Variants in PRKD2 observed in about 807,000 individuals in gnomAD.
The protein encoded by PRKD2 is serine/threonine-protein kinase D2.
Under a neutral mutation model 86.0 loss-of-function variants are expected in PRKD2, and 22 were observed. That is an observed-to-expected ratio of 0.26 (90% confidence interval 0.18 to 0.37). PRKD2 has a LOEUF of 0.37. PRKD2 is among the 10% of genes least tolerant of loss of function. PRKD2 has a pLI of 1.00. For synonymous variants in PRKD2, 509 were observed against 510.9 expected, an observed-to-expected ratio of 1.00 and a Z score of 0.05; for missense variants, 818 against 1,199.2, an observed-to-expected ratio of 0.68 and a Z score of 4.70.
At chr19:46,701,689 A>G (rs190559366) in intron 5 of PRKD2, among the ~76,000 whole-genome samples, 5 of 151,140 alleles carry the variant, frequency 3.3e-5, no homozygotes, top group Non-Finnish European at 7.4e-5. Flanking sequence ...TATTGGTTCT[A>G]ATGTGCTGTG....
intron 15 of PRKD2, among the ~76,000 whole-genome samples, chr19:46,680,946 A>ATATATATATATATATTTTTTTT: frequency 5.0e-4 from 24 of 48,212 alleles, no homozygotes; most frequent in Non-Finnish European, 6.9e-4. Flanking sequence ...ATATATATAT[A>ATATATATATATATATTTTTTTT]TTTTTTTTTT....
intron 7 of PRKD2, among the ~76,000 whole-genome samples, chr19:46,698,824 A>G (rs2053596538): frequency 6.6e-6 from 1 of 152,144 alleles, no homozygotes; most frequent in South Asian, 2.1e-4. Context: ...GCTAGATCAG[A>G]ACCTGGGTGG....
At chr19:46,675,168 C>T (rs369262651) in intron 16 of PRKD2, 50 bp from the exon 17 acceptor site, 2 of 1,509,180 alleles carry the variant, frequency 1.3e-6, no homozygotes, top group Admixed American at 1.9e-5. Flanking sequence ...AGGGTCACTC[C>T]TCCTCCAATA....
chr19:46,698,376 G>A (rs886849844), intron 7 of PRKD2, among the ~76,000 whole-genome samples: 1 of 152,146 alleles, frequency 6.6e-6, no homozygotes, highest in Admixed American at 6.6e-5. Context: ...ATTCTTGAGA[G>A]GGCTTCTGTA....
In PRKD2 at chr19:46,678,037, C is replaced by G. The variant is rs1356418993; in HGVS notation, c.2338+359G>C. On this transcript the variant is annotated intron_variant, in intron 16 of 17. Transcript: ENST00000291281. This position sits in a 1 kb window ranked among gnomAD's most constrained non-coding sequence, Gnocchi z 5.7. ...AGGTCCCAGCCAATGCCTTGGGAGG[C>G]TCAGCCCCTTCTCCTGGTCACCGCA... is the stretch of plus-strand genomic sequence containing the variant. 6.6e-6 allele frequency among the ~76,000 whole-genome samples: 1 copy of G among 152,176 alleles called. No individual in the cohort carries two copies. The highest frequency in any genetic ancestry group is 1.5e-5 in the Non-Finnish European group (1 of 68,036).
chr19:46,710,163 C>G (rs193031165), intron 3 of PRKD2, among the ~76,000 whole-genome samples: 43 of 152,256 alleles, frequency 2.8e-4, no homozygotes, highest in African/African-American at 1.0e-3. Context: ...TCCCAAAGTG[C>G]TGGGATTACA....
chr19:46,679,814 G>A (rs1162241141), intron 15 of PRKD2, among the ~76,000 whole-genome samples: 3 of 151,950 alleles, frequency 2.0e-5, no homozygotes, highest in Non-Finnish European at 2.9e-5. Context: ...TAGTAGAGAC[G>A]ACATTTCACC....
Position 46,691,723 on chromosome 19 carries a change from A to C in PRKD2, c.1702+12T>G. ...CGGGGCTCCCTCTGGGTTAGCTCTG[A>C]AGTGTCCTCACCTCCATAGACCACT... is the stretch of plus-strand genomic sequence containing the variant. On this transcript the variant is annotated intron_variant, in intron 12 of 17. Coordinates refer to ENST00000291281, the MANE Select transcript of PRKD2 (RefSeq NM_016457.5). 6.2e-7 allele frequency: 1 copy of C among 1,612,084 alleles called. No homozygotes were observed. The highest frequency in any genetic ancestry group is 8.5e-7 in the Non-Finnish European group (1 of 1,179,806).
intron 15 of PRKD2, among the ~76,000 whole-genome samples, chr19:46,679,551 T>C (rs2053264847): frequency 6.6e-6 from 1 of 152,206 alleles, no homozygotes; most frequent in Non-Finnish European, 1.5e-5. Flanking sequence ...TCTCAGGCTT[T>C]CCTGGGGATT....
At position 46,710,909 on chromosome 19, in the gene PRKD2, T is replaced by C; in HGVS notation, c.509A>G (p.Asp170Gly). ...FGLVRQGLKC[D>G]GCGLNYHKRC... ...GCCCCCAACCCTTTAGCTCTCACCATCGCACTTGAGGCCCTGGCGCACTAG... is the reference window on the plus strand; with the variant it reads ...GCCCCCAACCCTTTAGCTCTCACCACCGCACTTGAGGCCCTGGCGCACTAG... The change falls in exon 3 of 18, where the codon GAT becomes GGT. Residue 170 changes from aspartate to glycine, a missense_variant and splice_region_variant. Around this residue, in one of 5 missense-constraint regions of PRKD2, gnomAD observed 403 missense variants for 518.6 expected, o/e 0.78. Transcript: ENST00000291281. 1.1e-6 allele frequency: 1 copy of C among 950,866 alleles called. No individual in the cohort carries two copies. Among genetic ancestry groups the C allele is most frequent in the South Asian group, 1.3e-5 (1 of 74,808 alleles). The allele number at this position is 950,866 out of a possible 1,614,324, so 58.9% of individuals were successfully genotyped here.
chr19:46,710,772 A>G, intron 3 of PRKD2, 135 bp downstream of exon 3: 4 of 1,009,458 alleles, frequency 4.0e-6, no homozygotes, highest in Non-Finnish European at 5.6e-6. Flanking sequence ...TCTTCCCATT[A>G]TTACTTCCTA....
rs532302922 is a variant in PRKD2 at position 46,695,832 on chromosome 19, ATATTT to A, written c.1317+1320_1317+1324del. On this transcript the variant is annotated intron_variant, in intron 9 of 17. Transcript: ENST00000291281. ...GGGGGGGCATGGTGAGGACAGCATT[ATATTT>A]TATTTTATTTTATTTTTTTGAGATG... Among the ~76,000 whole-genome samples, 459 of 152,108 alleles carry A rather than the reference ATATTT, an allele frequency of 3.0e-3. 7 individuals are homozygous for A. Among genetic ancestry groups the A allele is most frequent in the African/African-American group, 0.01 (424 of 41,522 alleles).
intron 2 of PRKD2, 112 bp downstream of exon 2, chr19:46,713,751 G>T (rs2053841457): frequency 2.8e-6 from 3 of 1,069,042 alleles, no homozygotes; most frequent in Non-Finnish European, 2.6e-6. Context: ...GATCACAGGC[G>T]TGAGCCACTA....
At chr19:46,676,226 CGA>C (rs931641911) in intron 16 of PRKD2, among the ~76,000 whole-genome samples, 4 of 151,954 alleles carry the variant, frequency 2.6e-5, no homozygotes, top group Non-Finnish European at 5.9e-5. Context: ...GTCAGGAGTT[CGA>C]GACAAGCCTG....
rs779519593 is a variant in PRKD2 at position 46,678,495 on chromosome 19, C to T, written c.2239G>A (p.Gly747Ser). The change falls in exon 16 of 18, where the codon GGC becomes AGC. Residue 747 changes from glycine (G) to serine (S), a missense_variant. Transcript: ENST00000291281. The surrounding 1 kb of genome is among the most constrained non-coding windows in gnomAD (Gnocchi z 5.7). Reference protein sequence around the residue: ...VGVIMYVSLSGTFPFNEDEDI... With the variant: ...VGVIMYVSLSSTFPFNEDEDI... ...TCATCCTCGTTGAAAGGGAAGGTGC[C>T]GCTGAGGCTGACGTACATGATCACG... The T allele has an allele frequency of 5.0e-6, 8 of 1,614,092 alleles. No individual in the cohort carries two copies. The highest frequency in any genetic ancestry group is 2.2e-5 in the East Asian group (1 of 44,894).
intron 7 of PRKD2, 116 bp from the exon 8 acceptor site, chr19:46,697,966 G>A (rs939451287): frequency 1.3e-5 from 11 of 847,218 alleles, no homozygotes; most frequent in East Asian, 5.0e-5. Flanking sequence ...TGTTTGTTTG[G>A]TTTGTTTTGA....
intron 5 of PRKD2, among the ~76,000 whole-genome samples, 176 bp downstream of exon 5, chr19:46,703,993 A>ACACACACACACACACACACACACACAC (rs1568732338): frequency 6.7e-6 from 1 of 149,416 alleles, no homozygotes; most frequent in Non-Finnish European, 1.5e-5. Flanking sequence ...ACACACACAC[A>ACACACACACACACACACACACACACAC]ACTGAGGTTC....
At chr19:46,682,777 C>A (rs1029575291) in intron 14 of PRKD2, among the ~76,000 whole-genome samples, 3 of 149,208 alleles carry the variant, frequency 2.0e-5, no homozygotes, top group Non-Finnish European at 4.4e-5. Context: ...GGGATCACAG[C>A]TCACTGCACC....
intron 7 of PRKD2, among the ~76,000 whole-genome samples, chr19:46,699,235 C>G (rs1030355506): frequency 6.6e-6 from 1 of 152,156 alleles, no homozygotes; most frequent in Non-Finnish European, 1.5e-5. Flanking sequence ...CCTCCCCTCC[C>G]TTCAACTGCC....
Sources: allele counts gnomAD v4.1 joint callset (sites outside exome capture counted in the v4.1 genomes callset), GRCh38; gene constraint gnomAD v4.1.1; regional missense constraint gnomAD v4.1.1; non-coding constraint Gnocchi (gnomAD v3.1); transcripts MANE v1.5; gene names NCBI Gene and HGNC (gene_info 2026-07-23, HGNC 2026-07-21).